CTNNBL1: variants seen among roughly 807,000 people sequenced by gnomAD.
CTNNBL1 encodes catenin beta like 1, also known as beta-catenin-like protein 1.
In CTNNBL1, 31 loss-of-function variants were observed where a neutral mutation model predicts 72.7. The ratio of observed to expected loss-of-function variants is 0.43; its 90% CI spans 0.32 to 0.58. The LOEUF (loss-of-function observed/expected upper bound fraction) is 0.58. Ranked by LOEUF, CTNNBL1 falls within the 20% of genes least tolerant of loss-of-function variation. CTNNBL1 has a pLI of 0.08. For missense variants in CTNNBL1, 534 were observed against 725.1 expected (o/e 0.74, Z 3.03); for synonymous variants, 240 against 267.3 (o/e 0.90, Z 1.00).
Position 37,829,620 on chromosome 20 carries a change from C to T in CTNNBL1, c.1214-10482C>T, listed in dbSNP as rs116856158. Reference sequence around the variant, plus strand: ...TCTCTTTCCAGTTCTTTGTCCGTATCCTGTGCTTTCTAATTTAATTCTTTA... The same window carrying T: ...TCTCTTTCCAGTTCTTTGTCCGTATTCTGTGCTTTCTAATTTAATTCTTTA... On this transcript the variant is annotated intron_variant, in intron 11 of 15. Transcript: ENST00000361383. Among the ~76,000 whole-genome samples, 330 of 152,246 alleles carry T rather than the reference C, an allele frequency of 2.2e-3. 1 individual carries two copies. Among genetic ancestry groups the T allele is most frequent in the Non-Finnish European group, 4.1e-3 (282 of 68,018 alleles).
rs145594973 is a variant in CTNNBL1 at position 37,777,430 on chromosome 20, C to G, written c.823+13C>G. 5.9e-3 allele frequency: 9,555 copies of G among 1,611,768 alleles called. 48 individuals carry two copies. Among genetic ancestry groups the G allele is most frequent in the Non-Finnish European group, 6.5e-3 (7,653 of 1,177,872 alleles). On this transcript the variant is annotated intron_variant, in intron 8 of 15. Coordinates refer to ENST00000361383, the MANE Select transcript of CTNNBL1 (RefSeq NM_030877.5). ...CAGGACAATGATGGTGAGGCGCCCT[C>G]TCAGTATTGATATTCTGTTAGGATA...
At chr20:37,834,704 T>G (rs184766751) in intron 11 of CTNNBL1, among the ~76,000 whole-genome samples, 21 of 152,296 alleles carry the variant, frequency 1.4e-4, no homozygotes, top group Admixed American at 7.2e-4. Flanking sequence ...AGATCTAAGA[T>G]CCAGCCACCT....
At chr20:37,709,832 T>C (rs561186791) in intron 1 of CTNNBL1, among the ~76,000 whole-genome samples, 6 of 152,254 alleles carry the variant, frequency 3.9e-5, no homozygotes, top group Non-Finnish European at 5.9e-5. Context: ...TATTGAATTG[T>C]ACTAACTTCT....
intron 3 of CTNNBL1, among the ~76,000 whole-genome samples, chr20:37,741,733 G>A (rs2073217252): frequency 6.6e-6 from 1 of 152,240 alleles, no homozygotes; most frequent in Non-Finnish European, 1.5e-5. Context: ...ATGGCTGGGA[G>A]TATGACCCAG....
At chr20:37,838,713 C>T (rs919900408) in intron 11 of CTNNBL1, among the ~76,000 whole-genome samples, 11 of 152,294 alleles carry the variant, frequency 7.2e-5, no homozygotes, top group Non-Finnish European at 1.5e-4. Context: ...CATGGCTAAA[C>T]CCCATCTCTG....
At chr20:37,816,878 T>A (rs1321239474) in intron 11 of CTNNBL1, among the ~76,000 whole-genome samples, 3 of 152,176 alleles carry the variant, frequency 2.0e-5, no homozygotes, top group African/African-American at 7.2e-5. Context: ...CTCACAAACT[T>A]CTGGAATAAC....
intron 13 of CTNNBL1, among the ~76,000 whole-genome samples, chr20:37,855,610 C>T (rs1234459967): frequency 6.6e-6 from 1 of 152,204 alleles, no homozygotes; most frequent in African/African-American, 2.4e-5. Flanking sequence ...TTCCCCTTCT[C>T]ACGTAGGCTG....
intron 10 of CTNNBL1, among the ~76,000 whole-genome samples, chr20:37,797,093 T>C (rs537279809): frequency 6.6e-6 from 1 of 152,294 alleles, no homozygotes; most frequent in Admixed American, 6.5e-5. Flanking sequence ...CCTGTGGTCG[T>C]ATTTATTATT....
At chr20:37,746,016 A>G (rs114441405) in intron 3 of CTNNBL1, among the ~76,000 whole-genome samples, 4,629 of 152,282 alleles carry the variant, frequency 0.03, 224 homozygotes, top group African/African-American at 0.1. Context: ...TTTTGGATAC[A>G]GAAAATCTTA....
intron 1 of CTNNBL1, 38 bp downstream of exon 1, chr20:37,694,190 A>T: frequency 1.3e-6 from 2 of 1,561,164 alleles, no homozygotes; most frequent in Non-Finnish European, 1.7e-6. Flanking sequence ...CCGCGTTCTC[A>T]CCTGGGCAGG....
At chr20:37,745,496 T>C (rs2073254381) in intron 3 of CTNNBL1, among the ~76,000 whole-genome samples, 1 of 152,220 alleles carries the variant, frequency 6.6e-6, no homozygotes, top group Non-Finnish European at 1.5e-5. Context: ...ATGGTAGACA[T>C]TGTTCTCAGT....
intron 13 of CTNNBL1, among the ~76,000 whole-genome samples, chr20:37,857,015 A>T (rs376220812): frequency 1.3e-5 from 2 of 152,210 alleles, no homozygotes; most frequent in East Asian, 3.8e-4. Flanking sequence ...TCCCTGGGGA[A>T]TCCGTTTTCT....
intron 10 of CTNNBL1, among the ~76,000 whole-genome samples, chr20:37,785,626 T>C (rs549791833): frequency 7.6e-4 from 116 of 152,344 alleles, no homozygotes; most frequent in Non-Finnish European, 1.5e-3. Flanking sequence ...TAAAATGTAA[T>C]AGGATTTTGC....
chr20:37,774,272 A>G (rs545828479), intron 7 of CTNNBL1, among the ~76,000 whole-genome samples: 3 of 152,180 alleles, frequency 2.0e-5, no homozygotes, highest in East Asian at 3.9e-4. Context: ...GCTATCCCCA[A>G]TTTACAGATA....
chr20:37,757,673 C>T lies in CTNNBL1; in HGVS notation c.564+17C>T. The T allele has an allele frequency of 2.5e-6, 4 of 1,599,938 alleles. No individual in the cohort carries two copies. Among genetic ancestry groups the T allele is most frequent in the Non-Finnish European group, 3.4e-6 (4 of 1,167,922 alleles). ...GATGCTCTGGTAAGTTGCACATCCT[C>T]TGGGGTTTTGCAGGTTTGTATAAGT... On this transcript the variant is annotated intron_variant, in intron 5 of 15. Transcript: ENST00000361383.
At chr20:37,843,634 G>A (rs750663613) in intron 13 of CTNNBL1, among the ~76,000 whole-genome samples, 6 of 152,174 alleles carry the variant, frequency 3.9e-5, no homozygotes, top group Non-Finnish European at 7.3e-5. Context: ...ACCTATCACT[G>A]CGCTTTTAAT....
intron 11 of CTNNBL1, among the ~76,000 whole-genome samples, chr20:37,825,236 C>T (rs2072148054): frequency 6.6e-6 from 1 of 151,198 alleles, no homozygotes; most frequent in African/African-American, 2.4e-5. Context: ...ACCTGTAATC[C>T]CAGCTACTAG....
intron 1 of CTNNBL1, among the ~76,000 whole-genome samples, chr20:37,704,745 C>T (rs1239775555): frequency 6.6e-6 from 1 of 151,946 alleles, no homozygotes; most frequent in Non-Finnish European, 1.5e-5. Context: ...AAATAAGTAG[C>T]CTCCTGGGTG....
chr20:37,860,099 G>C, intron 14 of CTNNBL1, 63 bp downstream of exon 14: 1 of 1,502,070 alleles, frequency 6.7e-7, no homozygotes, highest in South Asian at 1.2e-5. Context: ...CAGCTGCTTA[G>C]GTGGACTCTC....
Sources: allele counts gnomAD v4.1 joint callset (sites outside exome capture counted in the v4.1 genomes callset), GRCh38; gene constraint gnomAD v4.1.1; transcripts MANE v1.5; gene names NCBI Gene and HGNC (gene_info 2026-07-23, HGNC 2026-07-21).